Variants in ARMH4 observed in about 807,000 individuals in gnomAD.
ARMH4 encodes armadillo-like helical domain-containing protein 4.
Under a neutral mutation model 61.9 loss-of-function variants are expected in ARMH4, and 49 were observed. The ratio of observed to expected loss-of-function variants is 0.79; its 90% CI spans 0.63 to 1.00. The LOEUF is 1.00. Ranked by LOEUF, ARMH4 falls within the 50% of genes least tolerant of loss-of-function variation. The probability of loss-of-function intolerance (pLI) is 0.00; values close to 1 mark genes in which losing one functional copy is unlikely to be tolerated. For missense variants in ARMH4, 934 were observed against 930.0 expected (o/e 1.00, Z -0.06); for synonymous variants, 368 against 341.5 (o/e 1.08, Z -0.85).
At chr14:58,007,497 G>A (rs1566536746) in intron 6 of ARMH4, among the ~76,000 whole-genome samples, 1 of 151,912 alleles carries the variant, frequency 6.6e-6, no homozygotes, top group Non-Finnish European at 1.5e-5. Flanking sequence ...TCTCTTTTTT[G>A]TCTCCTCTGT....
chr14:58,126,581 T>A (rs1394642004), intron 4 of ARMH4, among the ~76,000 whole-genome samples: 1 of 151,994 alleles, frequency 6.6e-6, no homozygotes, highest in African/African-American at 2.4e-5. Flanking sequence ...AAACAATGAG[T>A]GGCAAAATAA....
At chr14:58,091,330 C>G (rs1885557737) in intron 5 of ARMH4, among the ~76,000 whole-genome samples, 1 of 152,118 alleles carries the variant, frequency 6.6e-6, no homozygotes, top group Non-Finnish European at 1.5e-5. Flanking sequence ...AGGAAGCCAG[C>G]CTGAGGGCCA....
chr14:58,030,252 A>G (rs1459339134), intron 5 of ARMH4, among the ~76,000 whole-genome samples: 1 of 152,134 alleles, frequency 6.6e-6, no homozygotes, highest in African/African-American at 2.4e-5. Context: ...CCCATGTGAT[A>G]CCCACCTGAT....
At chr14:58,096,088 C>T (rs772302273) in intron 5 of ARMH4, among the ~76,000 whole-genome samples, 1 of 152,118 alleles carries the variant, frequency 6.6e-6, no homozygotes, top group Non-Finnish European at 1.5e-5. Flanking sequence ...AAGTCTCTCA[C>T]CACAAGCACG....
intron 4 of ARMH4, among the ~76,000 whole-genome samples, chr14:58,102,138 TAAGAGAAGGCACTGG>T (rs1886003914): frequency 6.6e-6 from 1 of 151,974 alleles, no homozygotes; most frequent in African/African-American, 2.4e-5. Context: ...TCTGCACAGG[TAAGAGAAGGCACTGG>T]AAGGCCTCAG....
At chr14:58,058,541 T>A (rs1360956698) in intron 5 of ARMH4, among the ~76,000 whole-genome samples, 2 of 152,190 alleles carry the variant, frequency 1.3e-5, no homozygotes, top group African/African-American at 2.4e-5. Context: ...AGGGTTCCTC[T>A]CCTTTTTAGA....
chr14:58,150,921 T>C (rs974048696), intron 1 of ARMH4, among the ~76,000 whole-genome samples: 1 of 152,182 alleles, frequency 6.6e-6, no homozygotes, highest in Non-Finnish European at 1.5e-5. Flanking sequence ...CTGTAGATGC[T>C]TGGCTAAAAG....
rs533735074 is a variant in ARMH4, at chr14:58,121,074, G to A, written c.1831+10438C>T. On this transcript the variant is annotated intron_variant, in intron 4 of 7. Coordinates refer to ENST00000267485, the MANE Select transcript of ARMH4 (RefSeq NM_001001872.4). ...ATTTGGTCAAGATTAAAACATCAGAGTTTAGTCCTCACTTATATGTTGCAT... is the reference window on the plus strand; with the variant it reads ...ATTTGGTCAAGATTAAAACATCAGAATTTAGTCCTCACTTATATGTTGCAT... Among the ~76,000 whole-genome samples the A allele has an allele frequency of 5.9e-5, 9 of 152,290 alleles. No homozygotes were observed. The East Asian group carries it at 1.5e-3, about 26-fold the overall frequency.
At chr14:58,030,150 G>A (rs908924623) in intron 5 of ARMH4, among the ~76,000 whole-genome samples, 1 of 152,192 alleles carries the variant, frequency 6.6e-6, no homozygotes, top group African/African-American at 2.4e-5. Flanking sequence ...AAGCTATGTG[G>A]TCCCTCCTAG....
intron 5 of ARMH4, among the ~76,000 whole-genome samples, chr14:58,091,017 G>A (rs757364031): frequency 6.6e-5 from 10 of 151,888 alleles, no homozygotes; most frequent in Non-Finnish European, 1.0e-4. Flanking sequence ...AGGAGTTCGA[G>A]ATCAGCCTGG....
At chr14:58,063,199 G>A (rs1884588257) in intron 5 of ARMH4, among the ~76,000 whole-genome samples, 1 of 152,116 alleles carries the variant, frequency 6.6e-6, no homozygotes, top group African/African-American at 2.4e-5. Context: ...CTCTGTCAAT[G>A]TGTCTCCATG....
At chr14:58,059,354 C>G (rs1884455783) in intron 5 of ARMH4, among the ~76,000 whole-genome samples, 1 of 152,260 alleles carries the variant, frequency 6.6e-6, no homozygotes, top group South Asian at 2.1e-4. Flanking sequence ...TTCAAGGCCA[C>G]TCTGCCAAAC....
chr14:58,080,465 T>C (rs935986640), intron 5 of ARMH4, among the ~76,000 whole-genome samples: 1 of 152,178 alleles, frequency 6.6e-6, no homozygotes, highest in Non-Finnish European at 1.5e-5. Flanking sequence ...GAATTCTGTC[T>C]GTAATGAGGG....
In ARMH4 at chr14:58,096,796, T is replaced by C. The variant is rs1211353122; in HGVS notation, c.2017A>G (p.Met673Val). 6.2e-7 allele frequency: 1 copy of C among 1,614,116 alleles called. No individual in the cohort carries two copies. Among genetic ancestry groups the C allele is most frequent in the Non-Finnish European group, 8.5e-7 (1 of 1,180,024 alleles). Reference sequence around the variant, plus strand: ...TAGGTAGCTCCCTCCAACAGGTCCATGTTTCCCTCCTCTAAGCCTGGTTCC... The same window carrying C: ...TAGGTAGCTCCCTCCAACAGGTCCACGTTTCCCTCCTCTAAGCCTGGTTCC... ...SQEPGLEEGNMDLLEGATYQV... is the reference protein window; with the variant it reads ...SQEPGLEEGNVDLLEGATYQV... The change falls in exon 5 of 8, where the codon ATG becomes GTG. Residue 673 changes from methionine (M) to valine (V), a missense_variant. Physicochemically the swap from Met to Val is conservative, Grantham distance 21. Coordinates refer to ENST00000267485, the MANE Select transcript of ARMH4 (RefSeq NM_001001872.4).
Position 58,044,937 on chromosome 14 carries a change from G to A in ARMH4, c.2090-32787C>T, listed in dbSNP as rs1052469081. On this transcript the variant is annotated intron_variant, in intron 5 of 7. Transcript: ENST00000267485. ...ATACCATCTCACACCAGTTAGAATG[G>A]TGATCATTAAAAAGCCAGGAAACAA... is the stretch of plus-strand genomic sequence containing the variant. Among the ~76,000 whole-genome samples the A allele has an allele frequency of 5.2e-4, 79 of 152,270 alleles. 2 individuals are homozygous for A. Among genetic ancestry groups the A allele is most frequent in the Non-Finnish European group, 4.1e-4 (28 of 68,024 alleles).
intron 1 of ARMH4, 82 bp from the exon 2 acceptor site, chr14:58,139,496 T>C: frequency 2.6e-6 from 2 of 780,632 alleles, no homozygotes; most frequent in Admixed American, 5.3e-5. Context: ...ATAAGTAAAA[T>C]AATCTCCTTG....
In ARMH4 at chr14:58,151,623, G is replaced by A. The variant is rs573673660; in HGVS notation, c.-57+452C>T. ...GCTCCTCGATTGTTAGGCTCTGAGT[G>A]GCATTGGGGACACTGCGATCGACGG... On this transcript the variant is annotated intron_variant, in intron 1 of 7. Transcript: ENST00000267485. Among the ~76,000 whole-genome samples the A allele has an allele frequency of 2.3e-4, 35 of 152,372 alleles. 1 individual carries two copies. In the South Asian group the frequency reaches 3.3e-3, roughly 14 times the overall value.
chr14:58,060,063 TTCATG>T (rs2141212520), intron 5 of ARMH4, among the ~76,000 whole-genome samples: 1 of 152,334 alleles, frequency 6.6e-6, no homozygotes, highest in African/African-American at 2.4e-5. Flanking sequence ...GAGAAATGCT[TTCATG>T]TCTTCATATT....
chr14:58,032,610 C>G (rs889694647), intron 5 of ARMH4, among the ~76,000 whole-genome samples: 1 of 152,072 alleles, frequency 6.6e-6, no homozygotes, highest in East Asian at 1.9e-4. Flanking sequence ...ACGCAGAAGA[C>G]GGGTGATTTC....
Sources: gnomAD v4.1 joint callset for allele counts (sites outside exome capture counted in the v4.1 genomes callset) on GRCh38, gnomAD v4.1.1 for gene constraint, MANE v1.5 for transcripts, NCBI Gene and HGNC (gene_info 2026-07-23, HGNC 2026-07-21) for gene names.